Variants in TESPA1 observed in about 807,000 individuals in gnomAD.
TESPA1 encodes thymocyte expressed, positive selection associated 1.
Under a neutral mutation model 57.9 loss-of-function variants are expected in TESPA1, and 33 were observed. The observed-to-expected ratio is 0.57, with a 90% CI of 0.43 to 0.76. TESPA1 has a LOEUF of 0.76. Ranked by LOEUF, TESPA1 falls within the 30% of genes least tolerant of loss-of-function variation. TESPA1 has a pLI of 0.00. For missense variants in TESPA1, 618 were observed against 632.9 expected (o/e 0.98, Z 0.25); for synonymous variants, 227 against 228.9 (o/e 0.99, Z 0.07).
chr12:54,960,001 G>A (rs1268631517), intron 10 of TESPA1, among the ~76,000 whole-genome samples: 4 of 152,144 alleles, frequency 2.6e-5, no homozygotes, highest in African/African-American at 9.7e-5. Flanking sequence ...AATTAAAACA[G>A]TTAGAATTGT....
At chr12:54,972,161 A>G (rs1156280653) in intron 3 of TESPA1, among the ~76,000 whole-genome samples, 4 of 152,224 alleles carry the variant, frequency 2.6e-5, no homozygotes, top group Non-Finnish European at 5.9e-5. Context: ...TAACCAGACC[A>G]CCTTTTTGTC....
chr12:54,979,302 C>T (rs370231249), intron 1 of TESPA1, among the ~76,000 whole-genome samples: 2 of 152,302 alleles, frequency 1.3e-5, no homozygotes, highest in East Asian at 1.9e-4. Flanking sequence ...TCTCTTGATG[C>T]TGCTTATAGT....
At chr12:54,958,227 AT>A (rs897494816) in intron 10 of TESPA1, among the ~76,000 whole-genome samples, 315 of 152,046 alleles carry the variant, frequency 2.1e-3, no homozygotes, top group African/African-American at 6.5e-3. Context: ...ACATCTTGGC[AT>A]TTTTTTTCTT....
chr12:54,955,210 T>G (rs569693336), intron 10 of TESPA1, among the ~76,000 whole-genome samples: 6 of 152,358 alleles, frequency 3.9e-5, no homozygotes, highest in African/African-American at 1.4e-4. Context: ...ATATACCTGT[T>G]GTGCACTTGT....
intron 1 of TESPA1, among the ~76,000 whole-genome samples, chr12:54,976,403 G>A (rs974434563): frequency 9.9e-5 from 15 of 152,058 alleles, no homozygotes; most frequent in Admixed American, 5.2e-4. Context: ...TTTAATTCCC[G>A]AAGGAAATGG....
chr12:54,957,475 T>C (rs756074870), intron 10 of TESPA1, among the ~76,000 whole-genome samples: 13 of 152,244 alleles, frequency 8.5e-5, no homozygotes, highest in African/African-American at 1.2e-4. Context: ...CCCCCTTCCA[T>C]ATTTATCACA....
chr12:54,961,399 G>A (rs1258227880), intron 9 of TESPA1, 132 bp from the exon 10 acceptor site: 2 of 920,232 alleles, frequency 2.2e-6, no homozygotes, highest in African/African-American at 1.6e-5. Flanking sequence ...GTGGTGTCAG[G>A]GACACAGTAA....
At position 54,967,341 on chromosome 12, in the gene TESPA1, G is replaced by C. The variant is rs181691931; in HGVS notation, c.257-105C>G. ...AACATCTTCACATGCCCTTAGACTA[G>C]ACTTGCACAACCAGATAATCATACT... On this transcript the variant is annotated intron_variant, in intron 4 of 10. Coordinates refer to ENST00000449076, the MANE Select transcript of TESPA1 (RefSeq NM_001136030.3). 1.2e-5 allele frequency: 15 copies of C among 1,270,586 alleles called. No homozygotes were observed. The East Asian group carries it at 3.5e-4, about 30-fold the overall frequency. The allele number at this position is 1,270,586 out of a possible 1,614,324, so 78.7% of individuals were successfully genotyped here.
intron 3 of TESPA1, among the ~76,000 whole-genome samples, chr12:54,971,887 A>T (rs1421404578): frequency 6.6e-6 from 1 of 152,148 alleles, no homozygotes; most frequent in Non-Finnish European, 1.5e-5. Context: ...AGATGGATAG[A>T]TATAGACAGA....
chr12:54,969,046 T>TATACAC (rs71070858), intron 3 of TESPA1, among the ~76,000 whole-genome samples: 1 of 124,482 alleles, frequency 8.0e-6, no homozygotes, highest in African/African-American at 3.1e-5. Context: ...TATATATATA[T>TATACAC]GTGTGTGTGT....
chr12:54,962,613 C>A lies in TESPA1; in HGVS notation c.1285G>T (p.Glu429Ter). 1 of 1,613,988 alleles carries A rather than the reference C, an allele frequency of 6.2e-7. No individual in the cohort carries two copies. The highest frequency in any genetic ancestry group is 8.5e-7 in the Non-Finnish European group (1 of 1,179,896). The change falls in exon 9 of 11, where the codon GAG becomes TAG. Residue 429 changes from glutamate to a stop codon, truncating the protein, a stop_gained. Coordinates refer to ENST00000449076, the MANE Select transcript of TESPA1 (RefSeq NM_001136030.3). LOFTEE classifies it high-confidence loss of function. ...CTGCTCTTTCTTTTCCAGAAAGTCTCATCCTTGGCTGGATGGGTTTCCGTA... is the reference window on the plus strand; with the variant it reads ...CTGCTCTTTCTTTTCCAGAAAGTCTAATCCTTGGCTGGATGGGTTTCCGTA... ...TNTETHPAKD[E>*]TFWKRKSRAR...
At chr12:54,969,068 T>TAG (rs1951656996) in intron 3 of TESPA1, among the ~76,000 whole-genome samples, 4 of 142,588 alleles carry the variant, frequency 2.8e-5, no homozygotes, top group South Asian at 2.3e-4. Flanking sequence ...GATAGATAGA[T>TAG]ATAGATATAT....
chr12:54,974,308 A>G, intron 2 of TESPA1, 92 bp downstream of exon 2: 3 of 1,213,450 alleles, frequency 2.5e-6, no homozygotes, highest in Non-Finnish European at 3.3e-6. Context: ...GCCTGGCTAA[A>G]CAAGGAACCT....
chr12:54,965,583 G>C (rs1243054593), intron 7 of TESPA1, among the ~76,000 whole-genome samples: 1 of 152,168 alleles, frequency 6.6e-6, no homozygotes, highest in Non-Finnish European at 1.5e-5. Flanking sequence ...TCTTTATCCA[G>C]TCTATCACTG....
intron 10 of TESPA1, among the ~76,000 whole-genome samples, chr12:54,954,256 C>T (rs949152392): frequency 7.2e-5 from 11 of 152,332 alleles, no homozygotes; most frequent in African/African-American, 2.6e-4. Context: ...GGCTCTGACA[C>T]TAACTAGTTG....
chr12:54,974,558 T>C lies in TESPA1; in HGVS notation c.5A>G (p.Glu2Gly). The stretch of plus-strand genomic sequence containing the variant: ...GGATGTGGGGCTCAGCACAGAGGCC[T>C]CCATGGCCCTGGCTCAGACTTCAGG... M[E>G]ASVLSPTSWE... The change falls in exon 2 of 11, where the codon GAG becomes GGG. Residue 2 changes from glutamate (E) to glycine (G), a missense_variant. By Grantham distance (98) the Glu-to-Gly change is moderately conservative. Coordinates refer to ENST00000449076, the MANE Select transcript of TESPA1 (RefSeq NM_001136030.3). 2 of 1,579,042 alleles carry C rather than the reference T, an allele frequency of 1.3e-6. No individual in the cohort carries two copies. Among genetic ancestry groups the C allele is most frequent in the Non-Finnish European group, 1.7e-6 (2 of 1,162,040 alleles).
At chr12:54,977,283 C>T (rs1392528125) in intron 1 of TESPA1, among the ~76,000 whole-genome samples, 1 of 152,000 alleles carries the variant, frequency 6.6e-6, no homozygotes, top group Non-Finnish European at 1.5e-5. Context: ...TAGAAGGTGC[C>T]CTTTCCTCAT....
intron 10 of TESPA1, among the ~76,000 whole-genome samples, chr12:54,951,927 A>G (rs10876664): frequency 0.2 from 30,923 of 151,272 alleles, 5,362 homozygotes; most frequent in East Asian, 0.84. Context: ...GTCACCTATT[A>G]TAAGTAAGCC....
intron 1 of TESPA1, among the ~76,000 whole-genome samples, chr12:54,978,759 C>A (rs549728246): frequency 6.6e-6 from 1 of 152,184 alleles, no homozygotes. Context: ...TCTAATCAAA[C>A]GAATTCTTTC....
Sources: gnomAD v4.1 joint callset for allele counts (sites outside exome capture counted in the v4.1 genomes callset) on GRCh38, gnomAD v4.1.1 for gene constraint, MANE v1.5 for transcripts, NCBI Gene and HGNC (gene_info 2026-07-23, HGNC 2026-07-21) for gene names.